PRDM2: variants seen among roughly 807,000 people sequenced by gnomAD.
PRDM2 encodes PR/SET domain 2.
In PRDM2, 30 loss-of-function variants were observed where a neutral mutation model predicts 130.0. That is an observed-to-expected ratio of 0.23 (90% CI 0.17 to 0.31). The LOEUF (loss-of-function observed/expected upper bound fraction) is 0.31, where lower values mean the gene tolerates loss of function less well. Among genes scored for constraint, PRDM2 ranks in the 10% least tolerant of loss-of-function variants. The pLI is 1.00. For missense variants in PRDM2, 2,011 were observed against 2,108.4 expected, an observed-to-expected ratio of 0.95 and a Z score of 0.90; for synonymous variants, 871 against 782.4, an observed-to-expected ratio of 1.11 and a Z score of -1.89.
intron 7 of PRDM2, among the ~76,000 whole-genome samples, chr1:13,775,118 T>C (rs958386094): frequency 3.9e-5 from 6 of 152,256 alleles, no homozygotes; most frequent in African/African-American, 4.8e-5. Flanking sequence ...AGACTCTTCT[T>C]TGTGCTCCCA....
At chr1:13,789,478 C>T (rs1644803782) in intron 8 of PRDM2, among the ~76,000 whole-genome samples, 1 of 152,140 alleles carries the variant, frequency 6.6e-6, no homozygotes, top group African/African-American at 2.4e-5. Context: ...GCTTTTTTCC[C>T]CACTTTATAC....
intron 9 of PRDM2, among the ~76,000 whole-genome samples, chr1:13,822,428 C>T (rs1485477731): frequency 6.0e-5 from 9 of 149,878 alleles, no homozygotes; most frequent in Admixed American, 3.3e-4. Flanking sequence ...CAGAGTCTCG[C>T]TCTGTCTCCC....
intron 8 of PRDM2, among the ~76,000 whole-genome samples, chr1:13,785,422 T>A (rs908770065): frequency 6.6e-6 from 1 of 152,174 alleles, no homozygotes; most frequent in Non-Finnish European, 1.5e-5. Context: ...TACTCAGATA[T>A]TTTACATGTG....
chr1:13,810,334 T>C (rs1434671845), intron 8 of PRDM2, among the ~76,000 whole-genome samples: 3 of 152,160 alleles, frequency 2.0e-5, no homozygotes, highest in Non-Finnish European at 4.4e-5. Context: ...TGCTACAGAC[T>C]CTGTATTTGC....
At chr1:13,805,419 A>G (rs1322176587) in intron 8 of PRDM2, among the ~76,000 whole-genome samples, 1 of 151,790 alleles carries the variant, frequency 6.6e-6, no homozygotes, top group African/African-American at 2.4e-5. Context: ...TGGGGGCTTC[A>G]TTTGAATGGG....
chr1:13,815,095 ATGTT>A (rs775616974), intron 8 of PRDM2, among the ~76,000 whole-genome samples: 5 of 151,980 alleles, frequency 3.3e-5, no homozygotes, highest in East Asian at 1.9e-4. Context: ...TACTCAGTGG[ATGTT>A]TGTTTGTTTG....
intron 9 of PRDM2, among the ~76,000 whole-genome samples, chr1:13,819,790 G>T (rs974155384): frequency 1.3e-5 from 2 of 152,182 alleles, no homozygotes; most frequent in East Asian, 3.8e-4. Context: ...GCGGGGGCCT[G>T]GGGGAGAGCA....
At position 13,803,507 on chromosome 1, in the gene PRDM2, T is replaced by TC. The variant is rs1384335111; in HGVS notation, c.5037-12916dup. The stretch of plus-strand genomic sequence containing the variant: ...ACTACCCTTCTTCCCATCATCAATG[T>TC]CCCCAAATAAGCAGTGAGCCTAGTC... On this transcript the variant is annotated intron_variant, in intron 8 of 9. Transcript: ENST00000311066. This position sits in a 1 kb window ranked among gnomAD's most constrained non-coding sequence, Gnocchi z 6.2. Among the ~76,000 whole-genome samples the TC allele has an allele frequency of 1.3e-5, 2 of 152,056 alleles. No homozygotes were observed. Among genetic ancestry groups the TC allele is most frequent in the African/African-American group, 2.4e-5 (1 of 41,402 alleles).
chr1:13,777,841 C>T (rs1199153623), intron 7 of PRDM2, among the ~76,000 whole-genome samples: 1 of 151,664 alleles, frequency 6.6e-6, no homozygotes, highest in Admixed American at 6.6e-5. Context: ...AAGAGATGAT[C>T]TCCAAAGATT....
intron 8 of PRDM2, among the ~76,000 whole-genome samples, chr1:13,791,880 C>G (rs938651100): frequency 1.2e-4 from 18 of 152,198 alleles, no homozygotes; most frequent in Non-Finnish European, 2.5e-4. Flanking sequence ...TTCTTTTCAA[C>G]TCTTTTTTAA....
At position 13,781,444 on chromosome 1, in the gene PRDM2, A is replaced by G. The variant is rs1304330699; in HGVS notation, c.3649A>G (p.Lys1217Glu). 1.9e-6 allele frequency: 3 copies of G among 1,614,104 alleles called. No individual in the cohort carries two copies. The highest frequency in any genetic ancestry group is 2.2e-5 in the East Asian group (1 of 44,890). Reference protein sequence around the residue: ...QQHQRDLHPDKVCTHHEFESG... With the variant: ...QQHQRDLHPDEVCTHHEFESG... The stretch of plus-strand genomic sequence containing the variant: ...GCACCAGCGAGATCTCCACCCAGAT[A>G]AGGTGTGCACACATCACGAGTTTGA... The change falls in exon 8 of 10, where the codon AAG (lysine) becomes GAG (glutamate). Residue 1217 changes from lysine to glutamate, a missense_variant. Lys to Glu is a moderately conservative substitution (Grantham distance 56). This residue lies in a region of PRDM2 where 229 missense variants were observed against 364.1 expected (regional missense o/e 0.63). Transcript: ENST00000311066. This position sits in a 1 kb window ranked among gnomAD's most constrained non-coding sequence, Gnocchi z 6.1.
intron 8 of PRDM2, among the ~76,000 whole-genome samples, chr1:13,805,251 C>A (rs1213805754): frequency 1.3e-5 from 2 of 152,168 alleles, no homozygotes; most frequent in African/African-American, 2.4e-5. Flanking sequence ...GGCAAGACTT[C>A]TATGGCTCAG....
chr1:13,780,666 A>G lies in PRDM2; in HGVS notation c.2871A>G (p.Ser957=). 1 of 1,611,340 alleles carries G rather than the reference A, an allele frequency of 6.2e-7. No individual in the cohort carries two copies. The highest frequency in any genetic ancestry group is 8.5e-7 in the Non-Finnish European group (1 of 1,178,584). ...SSPALQTPSL[S]SGQLPPLLIP... ...CTGCCCTGCAGACACCCTCCCTTTC[A>G]TCCGGTCAGCTGCCTCCTCTCTTGA... Residue 957 remains serine, a synonymous_variant, in exon 8 of 10, where the codon TCA becomes TCG. Coordinates refer to ENST00000311066, the MANE Select transcript of PRDM2 (RefSeq NM_001393986.1).
intron 8 of PRDM2, among the ~76,000 whole-genome samples, chr1:13,809,070 G>A (rs1307674266): frequency 6.6e-6 from 1 of 152,216 alleles, no homozygotes; most frequent in African/African-American, 2.4e-5. Context: ...CGAGGCTACA[G>A]GCCACTGGGA....
At chr1:13,748,107 T>G (rs1643670631) in intron 5 of PRDM2, among the ~76,000 whole-genome samples, 1 of 152,240 alleles carries the variant, frequency 6.6e-6, no homozygotes, top group African/African-American at 2.4e-5. Flanking sequence ...CGTATGCATT[T>G]TGGGCAGAAA....
rs759381706 is a variant in PRDM2 at position 13,778,579 on chromosome 1, G to A, written c.784G>A (p.Glu262Lys). The A allele has an allele frequency of 1.2e-5, 20 of 1,614,062 alleles. 1 individual carries two copies. The highest frequency in any genetic ancestry group is 1.7e-5 in the Non-Finnish European group (20 of 1,180,048). The change falls in exon 8 of 10, where the codon GAG becomes AAG. Residue 262 changes from glutamate (E) to lysine (K), a missense_variant. Glu to Lys is a moderately conservative substitution (Grantham distance 56). This residue lies in a region of PRDM2 where 1,288 missense variants were observed against 1,237.7 expected (regional missense o/e 1.04). Coordinates refer to ENST00000311066, the MANE Select transcript of PRDM2 (RefSeq NM_001393986.1). ...CGAGCGATTAGAAGCGGCAGCTTGT[G>A]AGGTGAATGATTTGGGGGAAGAGGA... The part of the protein sequence containing the change: ...PDERLEAAAC[E>K]VNDLGEEEEE...
intron 2 of PRDM2, among the ~76,000 whole-genome samples, chr1:13,730,421 T>G (rs965568681): frequency 6.6e-6 from 1 of 152,204 alleles, no homozygotes; most frequent in African/African-American, 2.4e-5. Flanking sequence ...TAAACAGTGG[T>G]AAATTACTGT....
intron 8 of PRDM2, among the ~76,000 whole-genome samples, chr1:13,788,296 C>T (rs774851714): frequency 6.6e-6 from 1 of 152,150 alleles, no homozygotes; most frequent in African/African-American, 2.4e-5. Context: ...AGTCAGACAA[C>T]GGTGCCGAGA....
chr1:13,769,424 G>T (rs1644307089), intron 6 of PRDM2, among the ~76,000 whole-genome samples: 1 of 152,214 alleles, frequency 6.6e-6, no homozygotes, highest in Non-Finnish European at 1.5e-5. Flanking sequence ...GCCTGTGTAT[G>T]TGTGGGCAGG....
Sources: gnomAD v4.1 joint callset for allele counts (sites outside exome capture counted in the v4.1 genomes callset) on GRCh38, gnomAD v4.1.1 for gene constraint, gnomAD v4.1.1 regional missense constraint, Gnocchi (gnomAD v3.1) non-coding constraint, MANE v1.5 for transcripts, NCBI Gene and HGNC (gene_info 2026-07-23, HGNC 2026-07-21) for gene names.